PIP5K1A: variants seen among roughly 807,000 people sequenced by gnomAD.
The protein encoded by PIP5K1A is phosphatidylinositol-4-phosphate 5-kinase type 1 alpha, also known as phosphatidylinositol 4-phosphate 5-kinase type-1 alpha.
A neutral mutation model predicts 72.9 loss-of-function variants in PIP5K1A; 46 were observed. The observed-to-expected ratio is 0.63, with a 90% CI of 0.50 to 0.81. The LOEUF (loss-of-function observed/expected upper bound fraction) is 0.81, where lower values mean the gene tolerates loss of function less well. Ranked by LOEUF, PIP5K1A falls within the 30% of genes least tolerant of loss-of-function variation. PIP5K1A has a pLI of 0.00. For missense variants in PIP5K1A, 458 were observed against 706.1 expected (o/e 0.65, Z 3.98); for synonymous variants, 228 against 255.1 (o/e 0.89, Z 1.01).
intron 11 of PIP5K1A, among the ~76,000 whole-genome samples, chr1:151,239,434 A>G (rs964593809): frequency 1.3e-5 from 2 of 151,662 alleles, no homozygotes; most frequent in Non-Finnish European, 2.9e-5. Flanking sequence ...CACCACGCCC[A>G]GCTAATTTTT....
chr1:151,234,124 A>G, intron 7 of PIP5K1A, 73 bp from the exon 8 acceptor site: 1 of 1,148,472 alleles, frequency 8.7e-7, no homozygotes, highest in Non-Finnish European at 1.3e-6. Context: ...GATGGGTGGT[A>G]ACTTTTACTG....
rs762587718 is a variant in PIP5K1A, at chr1:151,232,535, TCTC to T, written c.487-15_487-13del. ...TGATGTGTCTAAATCTCTTAGTTCT[TCTC>T]TGTTTGCCCCAGTATTCCCTCTGCA... is the stretch of plus-strand genomic sequence containing the variant. On this transcript the variant is annotated splice_polypyrimidine_tract_variant and intron_variant, in intron 6 of 15. Transcript: ENST00000368888. The T allele has an allele frequency of 3.8e-6, 6 of 1,592,772 alleles. No homozygotes were observed. Among genetic ancestry groups the T allele is most frequent in the Non-Finnish European group, 5.1e-6 (6 of 1,171,180 alleles).
At chr1:151,202,566 G>A (rs1394801605) in intron 1 of PIP5K1A, among the ~76,000 whole-genome samples, 6 of 151,906 alleles carry the variant, frequency 3.9e-5, no homozygotes, top group Non-Finnish European at 8.8e-5. Flanking sequence ...TCAGCCTCCC[G>A]GGTTCAAGCG....
At chr1:151,209,588 C>T (rs1048187381) in intron 1 of PIP5K1A, among the ~76,000 whole-genome samples, 6 of 151,904 alleles carry the variant, frequency 3.9e-5, no homozygotes, top group African/African-American at 1.5e-4. Flanking sequence ...TACAGGTATG[C>T]GCCACCATAC....
Position 151,248,227 on chromosome 1 carries a change from C to T in PIP5K1A, c.*362C>T, listed in dbSNP as rs1692774521. ...TGGACTTGGCAGCTTTCTTTCCCCT[C>T]GTCTTTGACTAGGAACCGGACTCTT... is the stretch of plus-strand genomic sequence containing the variant. On this transcript the variant is annotated 3_prime_UTR_variant, in exon 16 of 16. Coordinates refer to ENST00000368888, the MANE Select transcript of PIP5K1A (RefSeq NM_001135638.2). 1.2e-5 allele frequency: 4 copies of T among 332,374 alleles called. No individual in the cohort carries two copies. The highest frequency in any genetic ancestry group is 1.0e-4 in the South Asian group (3 of 29,224). The allele number at this position is 332,374 out of a possible 1,614,324, so 20.6% of individuals were successfully genotyped here. A position where few individuals can be genotyped will look rare whatever the true frequency, so the allele number is the denominator to read the frequency against.
At chr1:151,198,503 A>C (rs1232690076), upstream of PIP5K1A, 3 of 196,674 alleles carry the variant, frequency 1.5e-5, no homozygotes, top group African/African-American at 7.1e-5. Flanking sequence ...TTTTCTCCCC[A>C]ATGAGTGGGC....
chr1:151,217,772 AT>A (rs201464508), intron 1 of PIP5K1A, among the ~76,000 whole-genome samples: 1 of 147,118 alleles, frequency 6.8e-6, no homozygotes, highest in Non-Finnish European at 1.5e-5. Flanking sequence ...TTTTCTTTTC[AT>A]TTTTTTTTTA....
upstream of PIP5K1A, among the ~76,000 whole-genome samples, chr1:151,196,547 G>A (rs1271101521): frequency 1.4e-5 from 2 of 140,184 alleles, no homozygotes; most frequent in East Asian, 2.2e-4. Flanking sequence ...TAAATGCATG[G>A]GGATTTTTTT....
chr1:151,206,445 G>T (rs1250709395), intron 1 of PIP5K1A, among the ~76,000 whole-genome samples: 2 of 152,160 alleles, frequency 1.3e-5, no homozygotes, highest in African/African-American at 4.8e-5. Flanking sequence ...TATTGGTTGG[G>T]GGTGGGCAAA....
At chr1:151,247,370 G>T (rs1692659491) in intron 15 of PIP5K1A, among the ~76,000 whole-genome samples, 2 of 151,862 alleles carry the variant, frequency 1.3e-5, no homozygotes, top group Admixed American at 1.3e-4. Flanking sequence ...GTCGTGATCT[G>T]CCCACCTTGG....
intron 9 of PIP5K1A, among the ~76,000 whole-genome samples, chr1:151,237,438 ATC>A (rs1336680432): frequency 4.6e-5 from 7 of 152,214 alleles, no homozygotes; most frequent in Non-Finnish European, 5.9e-5. Context: ...AGGCAGGCGG[ATC>A]ACTTGAGTCC....
chr1:151,244,196 T>A (rs201442510), intron 14 of PIP5K1A, among the ~76,000 whole-genome samples: 39 of 101,856 alleles, frequency 3.8e-4, no homozygotes, highest in South Asian at 5.6e-4. Flanking sequence ...AAAAAAAAAG[T>A]CGTGAAAATG....
intron 3 of PIP5K1A, among the ~76,000 whole-genome samples, chr1:151,224,786 C>A (rs1028049921): frequency 1.3e-5 from 2 of 152,168 alleles, no homozygotes; most frequent in African/African-American, 4.8e-5. Context: ...GTTAGTTTCA[C>A]AAGTTTCTCT....
At position 151,206,180 on chromosome 1, in the gene PIP5K1A, A is replaced by G. The variant is rs12087802; in HGVS notation, c.85+7099A>G. Among the ~76,000 whole-genome samples the G allele has an allele frequency of 7.3e-3, 1,105 of 152,080 alleles. 13 individuals carry two copies. The highest frequency in any genetic ancestry group is 0.025 in the African/African-American group (1,033 of 41,474). On this transcript the variant is annotated intron_variant, in intron 1 of 15. Transcript: ENST00000368888. ...TCCCTCAACCCCTCCATCTTTTTAA[A>G]CTGTCTCCATTTTTCTTTATTCTCC...
intron 1 of PIP5K1A, 93 bp downstream of exon 1, chr1:151,199,174 C>G: frequency 6.3e-7 from 1 of 1,594,074 alleles, no homozygotes. Context: ...CTGGGAATGT[C>G]CTACGTGTTA....
intron 3 of PIP5K1A, among the ~76,000 whole-genome samples, chr1:151,225,838 A>C (rs186927392): frequency 7.2e-6 from 1 of 139,752 alleles, no homozygotes; most frequent in East Asian, 2.2e-4. Flanking sequence ...GTGCAGTGGC[A>C]TGATCTTGGC....
intron 1 of PIP5K1A, among the ~76,000 whole-genome samples, chr1:151,214,370 G>A (rs1268347988): frequency 6.8e-6 from 1 of 146,174 alleles, no homozygotes; most frequent in African/African-American, 2.7e-5. Context: ...CTGTTTTTTT[G>A]TTTTTGTTTT....
In PIP5K1A at chr1:151,198,755, A is replaced by G. The variant is rs587622305; in HGVS notation, c.-242A>G. On this transcript the variant is annotated 5_prime_UTR_variant, in exon 1 of 16. Transcript: ENST00000368888. ...TGAAAGGGGAAAGTATCCCCTGTGG[A>G]AAGCGGTTAAACTTGTGGAGGGGGT... The G allele has an allele frequency of 1.9e-5, 11 of 592,606 alleles. No homozygotes were observed. The South Asian group carries it at 2.2e-4, about 12-fold the overall frequency. The allele number at this position is 592,606 out of a possible 1,614,324, so 36.7% of individuals were successfully genotyped here. A position where few individuals can be genotyped will look rare whatever the true frequency, so the allele number is the denominator to read the frequency against.
chr1:151,248,203 G>A lies in PIP5K1A; in HGVS notation c.*338G>A. 1 of 369,870 alleles carries A rather than the reference G, an allele frequency of 2.7e-6. No individual in the cohort carries two copies. Among genetic ancestry groups the A allele is most frequent in the Non-Finnish European group, 5.0e-6 (1 of 200,836 alleles). The allele number at this position is 369,870 out of a possible 1,614,324, so 22.9% of individuals were successfully genotyped here. The stretch of plus-strand genomic sequence containing the variant: ...TCTTCATGCTGGAAATGGGATTGCT[G>A]GACTTGGCAGCTTTCTTTCCCCTCG... On this transcript the variant is annotated 3_prime_UTR_variant, in exon 16 of 16. Coordinates refer to ENST00000368888, the MANE Select transcript of PIP5K1A (RefSeq NM_001135638.2).
Sources: allele counts gnomAD v4.1 joint callset (sites outside exome capture counted in the v4.1 genomes callset), GRCh38; gene constraint gnomAD v4.1.1; transcripts MANE v1.5; gene names NCBI Gene and HGNC (gene_info 2026-07-23, HGNC 2026-07-21).